Variants in COQ8A observed in about 807,000 individuals in gnomAD.
COQ8A encodes coenzyme Q8A, also known as atypical kinase COQ8A, mitochondrial.
COQ8A carries 51 observed loss-of-function variants against 65.0 expected under a neutral mutation model. That is an observed-to-expected ratio of 0.78 (90% confidence interval 0.63 to 0.99). The LOEUF (loss-of-function observed/expected upper bound fraction) is 0.99, where lower values mean the gene tolerates loss of function less well. Among genes scored for constraint, COQ8A ranks in the 50% least tolerant of loss-of-function variants. The probability of loss-of-function intolerance (pLI) is 0.00; values close to 1 mark genes in which losing one functional copy is unlikely to be tolerated. For synonymous variants in COQ8A, 371 were observed against 353.2 expected (o/e 1.05, Z -0.57); for missense variants, 940 against 875.0 (o/e 1.07, Z -0.94).
At chr1:226,941,979 T>G (rs141676482) in intron 1 of COQ8A, among the ~76,000 whole-genome samples, 15 of 152,308 alleles carry the variant, frequency 9.8e-5, no homozygotes, top group Non-Finnish European at 1.8e-4. Context: ...AATGACATTT[T>G]GGACCCATAA....
chr1:226,976,991 GT>G (rs1659275227), intron 4 of COQ8A, among the ~76,000 whole-genome samples: 1 of 152,210 alleles, frequency 6.6e-6, no homozygotes, highest in African/African-American at 2.4e-5. Flanking sequence ...TCCTGTTCCA[GT>G]GAATTAGGGA....
chr1:226,964,168 C>T (rs1658420967), intron 2 of COQ8A, among the ~76,000 whole-genome samples: 2 of 152,154 alleles, frequency 1.3e-5, no homozygotes, highest in Admixed American at 1.3e-4. Flanking sequence ...CAGTTGAAGC[C>T]GAGAATCCAG....
In COQ8A at chr1:226,949,376, A is replaced by G. The variant is rs760321379; in HGVS notation, c.-10+8977A>G. Among the ~76,000 whole-genome samples the G allele has an allele frequency of 3.9e-5, 6 of 152,028 alleles. No individual in the cohort carries two copies. Among genetic ancestry groups the G allele is most frequent in the Admixed American group, 6.6e-5 (1 of 15,256 alleles). ...GAGGAATCTGGCAGGAGAGTGTTCCATGGCTCGGAGCTGGGGAGCTTGTGG... is the reference window on the plus strand; with the variant it reads ...GAGGAATCTGGCAGGAGAGTGTTCCGTGGCTCGGAGCTGGGGAGCTTGTGG... On this transcript the variant is annotated intron_variant, in intron 1 of 14. Coordinates refer to ENST00000366777, the MANE Select transcript of COQ8A (RefSeq NM_020247.5). The surrounding 1 kb of genome is among the most constrained non-coding windows in gnomAD (Gnocchi z 4.0).
rs749245005 is a variant in COQ8A at position 226,982,161 on chromosome 1, C to T, written c.853+12C>T. 3.4e-5 allele frequency: 54 copies of T among 1,569,356 alleles called. No homozygotes were observed. Among genetic ancestry groups the T allele is most frequent in the Middle Eastern group, 1.7e-4 (1 of 5,918 alleles). On this transcript the variant is annotated intron_variant, in intron 6 of 14. Transcript: ENST00000366777. ...GCTGAGCATCCAGGGTGAGTGGGCGCGGGGGCTGCTGCCCCGGGACTGCGT... is the reference window on the plus strand; with the variant it reads ...GCTGAGCATCCAGGGTGAGTGGGCGTGGGGGCTGCTGCCCCGGGACTGCGT...
At chr1:226,966,664 T>G (rs1191786394) in intron 4 of COQ8A, among the ~76,000 whole-genome samples, 3 of 152,158 alleles carry the variant, frequency 2.0e-5, no homozygotes, top group African/African-American at 4.8e-5. Flanking sequence ...GGGTGGGGCA[T>G]GGAGATGCAC....
rs1658473093 is a variant in COQ8A, at chr1:226,965,035, C to T, written c.213C>T (p.Asn71=). Residue 71 remains asparagine, a synonymous_variant, in exon 3 of 15, where the codon AAC becomes AAT. Transcript: ENST00000366777. ...AACATGAAGAATATTTTGCTGAGAA[C>T]TTCGGCGGCCCAGAAGGGGAGTTCC... is the stretch of plus-strand genomic sequence containing the variant. ...QDKHEEYFAE[N]FGGPEGEFHF... is the part of the protein sequence containing the mutation. The T allele has an allele frequency of 6.2e-7, 1 of 1,614,078 alleles. No individual in the cohort carries two copies. Among genetic ancestry groups the T allele is most frequent in the South Asian group, 1.1e-5 (1 of 91,090 alleles).
At chr1:226,973,119 C>A (rs368299622) in intron 4 of COQ8A, among the ~76,000 whole-genome samples, 1 of 152,216 alleles carries the variant, frequency 6.6e-6, no homozygotes, top group Non-Finnish European at 1.5e-5. Context: ...ACAAGGCCAG[C>A]GACAAGTGGC....
At chr1:226,983,679 C>CATCT in intron 9 of COQ8A, 46 bp downstream of exon 9, 1 of 1,611,894 alleles carries the variant, frequency 6.2e-7, no homozygotes, top group Non-Finnish European at 8.5e-7. Flanking sequence ...GGGTGGCAGG[C>CATCT]ATCTGTGTTG....
chr1:226,954,988 C>T (rs535515996), intron 1 of COQ8A, among the ~76,000 whole-genome samples: 35 of 152,226 alleles, frequency 2.3e-4, no homozygotes, highest in African/African-American at 8.4e-4. Context: ...GAGGTGTGCC[C>T]CCTCTGCACA....
rs143816043 is a variant in COQ8A at position 226,982,963 on chromosome 1, G to A, written c.1009G>A (p.Ala337Thr). The stretch of plus-strand genomic sequence containing the variant: ...GGAATACTTCGAGGAGCGGCCCTTC[G>A]CCGCCGCATCCATTGGGCAGGTGCA... ...KLEYFEERPF[A>T]AASIGQVHLA... Residue 337 changes from alanine (A) to threonine (T), a missense_variant, in exon 8 of 15, where the codon GCC (alanine) becomes ACC (threonine). Transcript: ENST00000366777. The A allele has an allele frequency of 2.1e-5, 34 of 1,604,424 alleles. No individual in the cohort carries two copies. The highest frequency in any genetic ancestry group is 1.3e-4 in the African/African-American group (10 of 74,716).
chr1:226,970,961 A>G (rs1658873552), intron 4 of COQ8A, among the ~76,000 whole-genome samples: 1 of 151,716 alleles, frequency 6.6e-6, no homozygotes, highest in Non-Finnish European at 1.5e-5. Flanking sequence ...ATTTTTTGAG[A>G]TGAAGTTTTG....
chr1:226,986,636 G>A lies in COQ8A; in HGVS notation c.1843G>A (p.Gly615Ser). The change falls in exon 15 of 15, where the codon GGC becomes AGC. Residue 615 changes from glycine to serine, a missense_variant. Coordinates refer to ENST00000366777, the MANE Select transcript of COQ8A (RefSeq NM_020247.5). ...CTACTCCCTGCACAGGAAGATGGGG[G>A]GCTCCTTCCTCATCTGCTCCAAGCT... is the stretch of plus-strand genomic sequence containing the variant. ...ETYSLHRKMGGSFLICSKLKA... is the reference protein window; with the variant it reads ...ETYSLHRKMGSSFLICSKLKA... 2 of 1,613,962 alleles carry A rather than the reference G, an allele frequency of 1.2e-6. No homozygotes were observed. Among genetic ancestry groups the A allele is most frequent in the South Asian group, 1.1e-5 (1 of 91,078 alleles).
chr1:226,941,236 G>GA (rs1656672028), intron 1 of COQ8A, among the ~76,000 whole-genome samples: 1 of 152,166 alleles, frequency 6.6e-6, no homozygotes, highest in Non-Finnish European at 1.5e-5. Context: ...ACAGCCTGTT[G>GA]AAAAACTTGT....
chr1:226,960,319 GGTGGTGGTATCA>G (rs1303267878), intron 1 of COQ8A, among the ~76,000 whole-genome samples: 2 of 136,634 alleles, frequency 1.5e-5, no homozygotes, highest in African/African-American at 2.8e-5. Context: ...GGCGGTACTT[GGTGGTGGTATCA>G]GTGGTACTTG....
At chr1:226,945,937 C>G (rs1310053676) in intron 1 of COQ8A, among the ~76,000 whole-genome samples, 1 of 152,208 alleles carries the variant, frequency 6.6e-6, no homozygotes, top group Non-Finnish European at 1.5e-5. Context: ...GAACAGGGTG[C>G]TGCTGCCATT....
At position 226,984,932 on chromosome 1, in the gene COQ8A, C is replaced by T. The variant is rs769642301; in HGVS notation, c.1563C>T (p.Leu521=). The T allele has an allele frequency of 6.2e-7, 1 of 1,614,214 alleles. No homozygotes were observed. Among genetic ancestry groups the T allele is most frequent in the South Asian group, 1.1e-5 (1 of 91,084 alleles). The change falls in exon 13 of 15, where the codon CTC becomes CTT. Residue 521 remains leucine, a synonymous_variant. Coordinates refer to ENST00000366777, the MANE Select transcript of COQ8A (RefSeq NM_020247.5). ...AATATGACAGATCCTTCACCGACCT[C>T]TACATTCAGGTAACTGGAGAGGGGC... ...TREYDRSFTD[L]YIQIIRAAAD...
At chr1:226,943,705 A>T (rs1656830047) in intron 1 of COQ8A, among the ~76,000 whole-genome samples, 1 of 152,160 alleles carries the variant, frequency 6.6e-6, no homozygotes, top group Non-Finnish European at 1.5e-5. Context: ...ATCCTGTTTG[A>T]TATAATTTGC....
At chr1:226,950,399 T>C (rs573792679) in intron 1 of COQ8A, among the ~76,000 whole-genome samples, 2 of 152,214 alleles carry the variant, frequency 1.3e-5, no homozygotes, top group Admixed American at 1.3e-4. Flanking sequence ...AAAAACACAC[T>C]GTTTTGCTCT....
intron 1 of COQ8A, among the ~76,000 whole-genome samples, chr1:226,948,320 C>T (rs185405882): frequency 3.3e-4 from 50 of 152,328 alleles, no homozygotes; most frequent in Non-Finnish European, 5.1e-4. Context: ...CCCATCACCT[C>T]GTTCTGACTC....
Sources: allele counts gnomAD v4.1 joint callset (sites outside exome capture counted in the v4.1 genomes callset), GRCh38; gene constraint gnomAD v4.1.1; non-coding constraint Gnocchi (gnomAD v3.1); transcripts MANE v1.5; gene names NCBI Gene and HGNC (gene_info 2026-07-23, HGNC 2026-07-21).